Variants in LRRC24 observed in about 807,000 individuals in gnomAD.
The protein encoded by LRRC24 is leucine rich repeat containing 24, also known as leucine-rich repeat-containing protein 24.
Under a neutral mutation model 15.3 loss-of-function variants are expected in LRRC24, and 19 were observed. The ratio of observed to expected loss-of-function variants is 1.25; its 90% CI spans 0.87 to 1.83. LRRC24 has a LOEUF of 1.83. LRRC24 is among the 40% of genes most tolerant of loss of function. The pLI, the probability that LRRC24 is intolerant of heterozygous loss-of-function variation, is 0.00. For synonymous variants in LRRC24, 469 were observed against 359.6 expected (o/e 1.30, Z -3.44); for missense variants, 914 against 723.9 (o/e 1.26, Z -3.01).
At chr8:144,525,160 T>G in intron 1 of LRRC24, 127 bp from the exon 2 acceptor site, 1 of 569,938 alleles carries the variant, frequency 1.8e-6, no homozygotes, top group Non-Finnish European at 2.7e-6. Flanking sequence ...AACGTTCTGG[T>G]TTTCTCCTTT....
At chr8:144,526,640 CTG>C (rs777505239) in intron 1 of LRRC24, 2 of 152,298 alleles carry the variant, frequency 1.3e-5, no homozygotes, top group African/African-American at 4.8e-5. Context: ...GGGCGCCCCT[CTG>C]TGCGGGAGCG....
chr8:144,523,751 T>G, intron 4 of LRRC24: 1 of 413,246 alleles, frequency 2.4e-6, no homozygotes, highest in Non-Finnish European at 4.3e-6. Context: ...CACTGAAACC[T>G]CACAAGTCCT....
chr8:144,523,650 G>A, intron 4 of LRRC24: 3 of 509,528 alleles, frequency 5.9e-6, no homozygotes, highest in Non-Finnish European at 6.3e-6. Context: ...CTTCTCCGTC[G>A]GTCTCTGAGA....
chr8:144,522,988 G>GTACT lies in LRRC24; in HGVS notation c.1025_1028dup (p.Tyr343Ter). On this transcript the variant is annotated stop_gained and frameshift_variant, in exon 5 of 5. Coordinates refer to ENST00000529415, the MANE Select transcript of LRRC24 (RefSeq NM_001024678.4). LOFTEE classifies it low-confidence loss of function (END_TRUNC). ...CGCCGGCGTTGGAGGCCTCGCACTCGTACTTACCGGCGTGCGCCAGCGTGA... is the reference window on the plus strand; with the variant it reads ...CGCCGGCGTTGGAGGCCTCGCACTCGTACTTACTTACCGGCGTGCGCCAGCGTGA... 2.5e-6 allele frequency: 4 copies of GTACT among 1,595,444 alleles called. No homozygotes were observed. Among genetic ancestry groups the GTACT allele is most frequent in the Non-Finnish European group, 3.4e-6 (4 of 1,175,376 alleles).
In LRRC24 at chr8:144,522,484, G is replaced by A. The variant is rs1421761217; in HGVS notation, c.1533C>T (p.Ile511=). 35 of 1,487,686 alleles carry A rather than the reference G, an allele frequency of 2.4e-5. No individual in the cohort carries two copies. Among genetic ancestry groups the A allele is most frequent in the Admixed American group, 7.3e-5 (3 of 41,016 alleles). The allele number at this position is 1,487,686 out of a possible 1,614,324, so 92.2% of individuals were successfully genotyped here. The change falls in exon 5 of 5, where the codon ATC becomes ATT. Residue 511 remains isoleucine (I), a synonymous_variant. Coordinates refer to ENST00000529415, the MANE Select transcript of LRRC24 (RefSeq NM_001024678.4). The part of the protein sequence containing the change: ...LRVPPPVAYE[I]HC ...CCGCGCGCCCGCGGCCCTAGCAGTG[G>A]ATCTCGTAGGCGACCGGCGGGGGCA...
chr8:144,526,218 G>A (rs1816354283), intron 1 of LRRC24: 2 of 152,338 alleles, frequency 1.3e-5, no homozygotes, highest in South Asian at 4.1e-4. Flanking sequence ...CTAGAAATAA[G>A]TAAGCACAGC....
Position 144,524,875 on chromosome 8 carries a change from C to G in LRRC24, c.100G>C (p.Val34Leu). ...PAACRCYSAT[V>L]ECGALRLRVV... Reference sequence around the variant, plus strand: ...CGCAACCGCAGGGCGCCACACTCCACCGTGGCGCTGTAGCAGCGGCAGGCT... The same window carrying G: ...CGCAACCGCAGGGCGCCACACTCCAGCGTGGCGCTGTAGCAGCGGCAGGCT... Residue 34 changes from valine (V) to leucine (L), a missense_variant, in exon 2 of 5, where the codon GTG becomes CTG. Transcript: ENST00000529415. 6.6e-7 allele frequency: 1 copy of G among 1,512,584 alleles called. No homozygotes were observed. The allele number at this position is 1,512,584 out of a possible 1,614,324, so 93.7% of individuals were successfully genotyped here.
rs1329158814 is a variant in LRRC24, at chr8:144,524,152, C to T, written c.565G>A (p.Ala189Thr). The change falls in exon 4 of 5, where the codon GCC becomes ACC. Residue 189 changes from alanine to threonine, a missense_variant. Coordinates refer to ENST00000529415, the MANE Select transcript of LRRC24 (RefSeq NM_001024678.4). ...TGCAGACTGGCCAGGGGCTGCAGGG[C>T]CTCTCGGCTGATGGTGCCCAGCTGG... ...RNQLGTISREALQPLASLQVL... is the reference protein window; with the variant it reads ...RNQLGTISRETLQPLASLQVL... 5.0e-6 allele frequency: 8 copies of T among 1,609,756 alleles called. No homozygotes were observed. In the Admixed American group the frequency reaches 8.3e-5, roughly 17 times the overall value.
Position 144,523,241 on chromosome 8 carries a change from G to A in LRRC24, c.776C>T (p.Pro259Leu). ...CAGCGGCTGCACGTGGACAGAGGGC[G>A]GAATGCAGATGAGGCTGCTGTGGGA... ...DVSHSSLICI[P>L]PSVHVQPLEL... The change falls in exon 5 of 5, where the codon CCG (proline) becomes CTG (leucine). Residue 259 changes from proline (P) to leucine (L), a missense_variant. Transcript: ENST00000529415. 2 of 1,610,192 alleles carry A rather than the reference G, an allele frequency of 1.2e-6. No individual in the cohort carries two copies. The highest frequency in any genetic ancestry group is 1.7e-4 in the Middle Eastern group (1 of 6,056).
At position 144,524,687 on chromosome 8, in the gene LRRC24, G is replaced by C; in HGVS notation, c.192C>G (p.Arg64=). 6.8e-7 allele frequency: 1 copy of C among 1,472,594 alleles called. No individual in the cohort carries two copies. The highest frequency in any genetic ancestry group is 8.9e-7 in the Non-Finnish European group (1 of 1,122,744). The allele number at this position is 1,472,594 out of a possible 1,614,324, so 91.2% of individuals were successfully genotyped here. ...TLFLQDNNIA[R]LEPGALAPLA... is the part of the protein sequence containing the mutation. Reference sequence around the variant, plus strand: ...GTGGCGCCAGGGCTCCCGGCTCTAGGCGGGCGATGTTGTTGTCCTGCAGGA... The same window carrying C: ...GTGGCGCCAGGGCTCCCGGCTCTAGCCGGGCGATGTTGTTGTCCTGCAGGA... The change falls in exon 3 of 5, where the codon CGC becomes CGG. Residue 64 remains arginine (R), a synonymous_variant. Coordinates refer to ENST00000529415, the MANE Select transcript of LRRC24 (RefSeq NM_001024678.4).
At chr8:144,524,311 G>A in intron 3 of LRRC24, 33 bp from the exon 4 acceptor site, 1 of 1,605,950 alleles carries the variant, frequency 6.2e-7, no homozygotes, top group East Asian at 2.2e-5. Context: ...TGAGGAAAAA[G>A]GGCGCCGAGG....
At position 144,524,608 on chromosome 8, in the gene LRRC24, C is replaced by T. The variant is rs773311862; in HGVS notation, c.271G>A (p.Ala91Thr). ...CGCGGCTGCGCGCGGAAGGCGCCGGCCTCCAGGGCGCGCAGGCTGTTGTTG... is the reference window on the plus strand; with the variant it reads ...CGCGGCTGCGCGCGGAAGGCGCCGGTCTCCAGGGCGCGCAGGCTGTTGTTG... ...LHNNSLRALE[A>T]GAFRAQPRLL... is the part of the protein sequence containing the mutation. The change falls in exon 3 of 5, where the codon GCC becomes ACC. Residue 91 changes from alanine to threonine, a missense_variant. Ala to Thr is a moderately conservative substitution (Grantham distance 58). Transcript: ENST00000529415. 2.0e-6 allele frequency: 3 copies of T among 1,525,890 alleles called. No individual in the cohort carries two copies. Among genetic ancestry groups the T allele is most frequent in the African/African-American group, 1.4e-5 (1 of 71,746 alleles). 94.5% of individuals were successfully genotyped at this position (1,525,890 alleles called of 1,614,324 possible). A position where few individuals can be genotyped will look rare whatever the true frequency, so the allele number is the denominator to read the frequency against.
chr8:144,523,325 T>A lies in LRRC24; in HGVS notation c.692A>T (p.Asp231Val). 6.3e-7 allele frequency: 1 copy of A among 1,598,874 alleles called. No homozygotes were observed. The highest frequency in any genetic ancestry group is 8.5e-7 in the Non-Finnish European group (1 of 1,170,268). The stretch of plus-strand genomic sequence containing the variant: ...GGGCTCTGCACACATGATCTTCCTG[T>A]CCCTGGAGGTGAGCAGCCGCTGGCC... Reference protein sequence around the residue: ...EGGQRLLTSRDRKIMCAEPPR... With the variant: ...EGGQRLLTSRVRKIMCAEPPR... Residue 231 changes from aspartate (D) to valine (V), a missense_variant, in exon 5 of 5, where the codon GAC (aspartate) becomes GTC (valine). Coordinates refer to ENST00000529415, the MANE Select transcript of LRRC24 (RefSeq NM_001024678.4).
In LRRC24 at chr8:144,525,000, C is replaced by T. The variant is rs1371795892; in HGVS notation, c.-26G>A. On this transcript the variant is annotated 5_prime_UTR_variant, in exon 2 of 5. Transcript: ENST00000529415. ...CTCCCGAGGCCCGGTTCCTCACCGGCCCTTCCGCGGTTCAGCCGCAGACGC... is the reference window on the plus strand; with the variant it reads ...CTCCCGAGGCCCGGTTCCTCACCGGTCCTTCCGCGGTTCAGCCGCAGACGC... 1 of 1,425,236 alleles carries T rather than the reference C, an allele frequency of 7.0e-7. No individual in the cohort carries two copies. Among genetic ancestry groups the T allele is most frequent in the East Asian group, 2.7e-5 (1 of 37,502 alleles). 88.3% of individuals were successfully genotyped at this position (1,425,236 alleles called of 1,614,324 possible). A position where few individuals can be genotyped will look rare whatever the true frequency, so the allele number is the denominator to read the frequency against.
chr8:144,524,533 C>A lies in LRRC24; in HGVS notation c.346G>T (p.Gly116Cys). 1 of 1,587,650 alleles carries A rather than the reference C, an allele frequency of 6.3e-7. No individual in the cohort carries two copies. Among genetic ancestry groups the A allele is most frequent in the Non-Finnish European group, 8.5e-7 (1 of 1,175,598 alleles). The change falls in exon 3 of 5, where the codon GGC becomes TGC. Residue 116 changes from glycine (G) to cysteine (C), a missense_variant. Transcript: ENST00000529415. ...TSNRLRGLRSGAFVGLAQLRV... is the reference protein window; with the variant it reads ...TSNRLRGLRSCAFVGLAQLRV... ...AGCTGGGCCAGGCCTACGAAGGCGC[C>A]GCTGCGCAAGCCGCGCAGCCGGTTG... is the stretch of plus-strand genomic sequence containing the variant.
At chr8:144,526,137 G>C (rs1332841970) in intron 1 of LRRC24, 1 of 152,194 alleles carries the variant, frequency 6.6e-6, no homozygotes, top group Non-Finnish European at 1.5e-5. Context: ...CATGTGGAAA[G>C]GGACAGGACC....
chr8:144,525,100 G>C (rs1199828126), intron 1 of LRRC24, 67 bp from the exon 2 acceptor site: 4 of 1,070,122 alleles, frequency 3.7e-6, no homozygotes, highest in Non-Finnish European at 4.9e-6. Flanking sequence ...ATGGAGGCCT[G>C]CACCTGCGTC....
chr8:144,524,752 C>G (rs1389651849), intron 2 of LRRC24, 33 bp from the exon 3 acceptor site: 3 of 1,438,596 alleles, frequency 2.1e-6, no homozygotes, highest in Non-Finnish European at 2.7e-6. Flanking sequence ...GCGCTTACCC[C>G]GTTGCGGGGG....
At chr8:144,523,512 C>T (rs1281050946) in intron 4 of LRRC24, 103 bp from the exon 5 acceptor site, 1 of 1,422,108 alleles carries the variant, frequency 7.0e-7, no homozygotes, top group African/African-American at 1.5e-5. Flanking sequence ...TCCCACCTCC[C>T]ACAGCGTTTT....
Sources: gnomAD v4.1 joint callset for allele counts on GRCh38, gnomAD v4.1.1 for gene constraint, MANE v1.5 for transcripts, NCBI Gene and HGNC (gene_info 2026-07-23, HGNC 2026-07-21) for gene names.